GRM8: variants seen among roughly 807,000 people sequenced by gnomAD.
GRM8 encodes the protein metabotropic glutamate receptor 8.
Under a neutral mutation model 87.2 loss-of-function variants are expected in GRM8, and 47 were observed. That is an observed-to-expected ratio of 0.54 (90% confidence interval 0.43 to 0.69). The LOEUF is 0.69. Among genes scored for constraint, GRM8 ranks in the 30% least tolerant of loss-of-function variants. The pLI is 0.00. For synonymous variants in GRM8, 396 were observed against 404.5 expected, an observed-to-expected ratio of 0.98 and a Z score of 0.25; for missense variants, 1,019 against 1,139.2, an observed-to-expected ratio of 0.89 and a Z score of 1.52.
chr7:126,958,585 G>A (rs1808986515), intron 3 of GRM8, among the ~76,000 whole-genome samples: 1 of 152,068 alleles, frequency 6.6e-6, no homozygotes, highest in Non-Finnish European at 1.5e-5. Flanking sequence ...GCCACTCCTC[G>A]CCCGGCCCGC....
intron 3 of GRM8, among the ~76,000 whole-genome samples, chr7:127,100,637 G>A (rs1825149346): frequency 1.3e-5 from 2 of 152,200 alleles, no homozygotes; most frequent in Admixed American, 6.5e-5. Flanking sequence ...GTCTTACATG[G>A]TGGCAGGCAA....
intron 6 of GRM8, among the ~76,000 whole-genome samples, chr7:126,856,209 T>G (rs1208020732): frequency 6.6e-6 from 1 of 152,196 alleles, no homozygotes; most frequent in Non-Finnish European, 1.5e-5. Context: ...CTGGTTCAAG[T>G]AATTACTTGA....
chr7:127,015,152 AAGAAGG>A (rs1377826762), intron 3 of GRM8, among the ~76,000 whole-genome samples: 13 of 70,078 alleles, frequency 1.9e-4, no homozygotes, highest in East Asian at 8.8e-4. Flanking sequence ...AGGAAGAAGG[AAGAAGG>A]AGAAGGAGAA....
At chr7:126,522,165 A>G (rs1469075589) in intron 9 of GRM8, among the ~76,000 whole-genome samples, 1 of 152,180 alleles carries the variant, frequency 6.6e-6, no homozygotes, top group Non-Finnish European at 1.5e-5. Context: ...GCACAATCAC[A>G]TGCCATAAAC....
At chr7:126,785,399 G>C (rs1445718402) in intron 6 of GRM8, among the ~76,000 whole-genome samples, 1 of 151,984 alleles carries the variant, frequency 6.6e-6, no homozygotes, top group Non-Finnish European at 1.5e-5. Flanking sequence ...TGCTACCTAG[G>C]CAGACACCAT....
At chr7:126,501,326 T>C (rs1350500884) in intron 9 of GRM8, among the ~76,000 whole-genome samples, 3 of 152,058 alleles carry the variant, frequency 2.0e-5, no homozygotes, top group African/African-American at 7.2e-5. Flanking sequence ...GTTGATTTTT[T>C]CAACCATCAC....
intron 9 of GRM8, among the ~76,000 whole-genome samples, chr7:126,448,645 T>C (rs1802280790): frequency 6.6e-6 from 1 of 151,956 alleles, no homozygotes. Flanking sequence ...AGCAAGCTCT[T>C]CATTGGACGC....
chr7:126,489,064 A>T (rs1437563009), intron 9 of GRM8, among the ~76,000 whole-genome samples: 1 of 151,970 alleles, frequency 6.6e-6, no homozygotes, highest in Non-Finnish European at 1.5e-5. Flanking sequence ...ATAGTGGAAA[A>T]AACCTAGGCT....
At chr7:126,786,457 CA>C (rs770606995) in intron 6 of GRM8, among the ~76,000 whole-genome samples, 23 of 152,280 alleles carry the variant, frequency 1.5e-4, no homozygotes, top group Non-Finnish European at 2.6e-4. Flanking sequence ...TAATGGTTCA[CA>C]AGGGCAGGGA....
intron 6 of GRM8, among the ~76,000 whole-genome samples, chr7:126,807,439 C>G (rs981612922): frequency 3.3e-5 from 5 of 152,170 alleles, no homozygotes; most frequent in African/African-American, 1.2e-4. Flanking sequence ...ACTAAAACTT[C>G]TTCACTAAAA....
intron 2 of GRM8, among the ~76,000 whole-genome samples, chr7:127,119,296 G>A (rs564619727): frequency 1.3e-5 from 2 of 152,186 alleles, no homozygotes; most frequent in South Asian, 2.1e-4. Flanking sequence ...GACCAACCTG[G>A]CCAACATGGT....
At chr7:127,010,106 G>A (rs1814737144) in intron 3 of GRM8, among the ~76,000 whole-genome samples, 1 of 152,132 alleles carries the variant, frequency 6.6e-6, no homozygotes, top group African/African-American at 2.4e-5. Context: ...GCCTCCCAAA[G>A]TGCTGGGATT....
chr7:127,236,917 T>TG (rs1182851177), intron 2 of GRM8, among the ~76,000 whole-genome samples: 3 of 152,166 alleles, frequency 2.0e-5, no homozygotes, highest in Admixed American at 2.0e-4. Flanking sequence ...TACAGTCTAG[T>TG]GGGGGATGCA....
chr7:126,894,073 C>T (rs531706438), intron 6 of GRM8, among the ~76,000 whole-genome samples: 1 of 151,992 alleles, frequency 6.6e-6, no homozygotes, highest in Non-Finnish European at 1.5e-5. Flanking sequence ...TATTTATCTG[C>T]TTTGTATCAC....
At chr7:126,598,992 C>T (rs565789170) in intron 8 of GRM8, among the ~76,000 whole-genome samples, 3 of 152,210 alleles carry the variant, frequency 2.0e-5, no homozygotes, top group Middle Eastern at 6.8e-3. Context: ...ACAACGTCCT[C>T]ATCTGTATTA....
chr7:126,628,584 G>C (rs1284387913), intron 7 of GRM8, among the ~76,000 whole-genome samples: 1 of 152,040 alleles, frequency 6.6e-6, no homozygotes, highest in African/African-American at 2.4e-5. Context: ...AAAAAAGTAA[G>C]TATACAAAAT....
At chr7:126,701,064 T>C (rs768574490) in intron 7 of GRM8, among the ~76,000 whole-genome samples, 5 of 152,052 alleles carry the variant, frequency 3.3e-5, no homozygotes, top group Non-Finnish European at 7.4e-5. Context: ...TATATATATA[T>C]AACCAATAAT....
At chr7:126,818,127 T>C (rs1271361420) in intron 6 of GRM8, among the ~76,000 whole-genome samples, 1 of 152,118 alleles carries the variant, frequency 6.6e-6, no homozygotes, top group African/African-American at 2.4e-5. Flanking sequence ...AAAAGGAAGA[T>C]GGTAAAGGAA....
intron 7 of GRM8, among the ~76,000 whole-genome samples, chr7:126,681,084 T>C (rs1250008344): frequency 6.6e-6 from 1 of 152,176 alleles, no homozygotes; most frequent in Admixed American, 6.5e-5. Flanking sequence ...AGTAAGTAGG[T>C]AGAGAAAATA....
Sources: gnomAD v4.1 joint callset for allele counts (sites outside exome capture counted in the v4.1 genomes callset) on GRCh38, gnomAD v4.1.1 for gene constraint, MANE v1.5 for transcripts, NCBI Gene and HGNC (gene_info 2026-07-23, HGNC 2026-07-21) for gene names.